Variants in DERA observed in about 807,000 individuals in gnomAD.
DERA encodes 2-deoxy-D-ribose 5-phosphate aldolase.
In DERA, 15 loss-of-function variants were observed where a neutral mutation model predicts 41.1. The observed-to-expected ratio is 0.37, with a 90% CI of 0.24 to 0.56. The LOEUF is 0.56. Among genes scored for constraint, DERA ranks in the 20% least tolerant of loss-of-function variants. DERA has a pLI of 0.81. For synonymous variants in DERA, 139 were observed against 137.4 expected (o/e 1.01, Z -0.08); for missense variants, 396 against 403.4 (o/e 0.98, Z 0.16).
intron 1 of DERA, among the ~76,000 whole-genome samples, chr12:15,923,176 CTACGCCCGGCTA>C (rs1427870432): frequency 2.6e-5 from 4 of 151,068 alleles, no homozygotes; most frequent in Non-Finnish European, 5.9e-5. Flanking sequence ...GCGCCCGCCA[CTACGCCCGGCTA>C]ATTTTTTGTA....
In DERA at chr12:15,911,784, C is replaced by G. The variant is rs1389339142; in HGVS notation, c.31+370C>G. 5.7e-6 allele frequency: 3 copies of G among 525,784 alleles called. No individual in the cohort carries two copies. The Admixed American group carries it at 6.8e-5, about 12-fold the overall frequency. 32.6% of individuals were successfully genotyped at this position (525,784 alleles called of 1,614,324 possible). A position where few individuals can be genotyped will look rare whatever the true frequency, so the allele number is the denominator to read the frequency against. On this transcript the variant is annotated intron_variant, in intron 1 of 8. Coordinates refer to ENST00000428559, the MANE Select transcript of DERA (RefSeq NM_015954.4). The surrounding 1 kb of genome is among the most constrained non-coding windows in gnomAD (Gnocchi z 4.5). ...AACAGATAAAAACCTTCTTTCTCCT[C>G]CTTTTAATAGAATACTTGTGTAATT...
chr12:15,916,691 T>A (rs1175071983), intron 1 of DERA, among the ~76,000 whole-genome samples: 1 of 152,148 alleles, frequency 6.6e-6, no homozygotes, highest in Non-Finnish European at 1.5e-5. Flanking sequence ...CCTCAGGTGA[T>A]CCACCTGCCT....
chr12:15,978,594 A>G lies in DERA; in HGVS notation c.509-3714A>G, dbSNP rs138406794. On this transcript the variant is annotated intron_variant, in intron 5 of 8. Coordinates refer to ENST00000428559, the MANE Select transcript of DERA (RefSeq NM_015954.4). The stretch of plus-strand genomic sequence containing the variant: ...AACTAGCAAGTAGCAAAAATGTCTT[A>G]TCTCAAGAGTCTGTGCTATTCAAAG... Among the ~76,000 whole-genome samples the G allele has an allele frequency of 2.6e-3, 400 of 152,342 alleles. 4 individuals are homozygous for G. Among genetic ancestry groups the G allele is most frequent in the African/African-American group, 9.2e-3 (383 of 41,570 alleles).
At chr12:15,971,496 T>C (rs1185180714) in intron 5 of DERA, among the ~76,000 whole-genome samples, 1 of 148,362 alleles carries the variant, frequency 6.7e-6, no homozygotes. Context: ...AGGCCATCTT[T>C]ATATCTCAAC....
At chr12:15,926,144 C>T (rs1324253618) in intron 1 of DERA, among the ~76,000 whole-genome samples, 1 of 151,834 alleles carries the variant, frequency 6.6e-6, no homozygotes, top group Non-Finnish European at 1.5e-5. Context: ...CTTTTACAGC[C>T]ACTTTCCTCT....
At chr12:15,949,847 C>G (rs998253535) in intron 1 of DERA, among the ~76,000 whole-genome samples, 3 of 152,172 alleles carry the variant, frequency 2.0e-5, no homozygotes, top group Admixed American at 6.5e-5. Context: ...GAACCACCTA[C>G]CTGTTTCTTC....
In DERA at chr12:15,990,718, C is replaced by T. The variant is rs1948796208; in HGVS notation, c.637+8282C>T. On this transcript the variant is annotated intron_variant, in intron 6 of 8. Transcript: ENST00000428559. This position sits in a 1 kb window ranked among gnomAD's most constrained non-coding sequence, Gnocchi z 4.3. ...GCATTTGGTATTTGGTTTTCTGTTC[C>T]CGTGTTAGTTTGCTAAGGATAATGG... Among the ~76,000 whole-genome samples, 1 of 152,046 alleles carries T rather than the reference C, an allele frequency of 6.6e-6. No homozygotes were observed. The highest frequency in any genetic ancestry group is 2.1e-4 in the South Asian group (1 of 4,812).
In DERA at chr12:15,981,616, T is replaced by G. The variant is rs906121618; in HGVS notation, c.509-692T>G. On this transcript the variant is annotated intron_variant, in intron 5 of 8. Transcript: ENST00000428559. The surrounding 1 kb of genome is among the most constrained non-coding windows in gnomAD (Gnocchi z 6.1). ...AAAATGTTACCTTGAATATGAAATA[T>G]GAAATAAATCTGGGCCCAATGTGGA... Among the ~76,000 whole-genome samples, 1 of 152,162 alleles carries G rather than the reference T, an allele frequency of 6.6e-6. No individual in the cohort carries two copies. Among genetic ancestry groups the G allele is most frequent in the Non-Finnish European group, 1.5e-5 (1 of 68,020 alleles).
In DERA at chr12:15,998,744, T is replaced by A. The variant is rs1467149383; in HGVS notation, c.637+16308T>A. Among the ~76,000 whole-genome samples the A allele has an allele frequency of 6.6e-6, 1 of 152,160 alleles. No individual in the cohort carries two copies. The highest frequency in any genetic ancestry group is 1.5e-5 in the Non-Finnish European group (1 of 68,032). On this transcript the variant is annotated intron_variant, in intron 6 of 8. Coordinates refer to ENST00000428559, the MANE Select transcript of DERA (RefSeq NM_015954.4). The surrounding 1 kb of genome is among the most constrained non-coding windows in gnomAD (Gnocchi z 4.8). ...AACAAACCAATTGTTCTAGTAGTTA[T>A]TTTCATTGCAATGTGCTTATTTGGA... is the stretch of plus-strand genomic sequence containing the variant.
intron 1 of DERA, among the ~76,000 whole-genome samples, chr12:15,930,400 G>A (rs2136129945): frequency 6.6e-6 from 1 of 152,118 alleles, no homozygotes; most frequent in Admixed American, 6.5e-5. Flanking sequence ...TCTTCCTGAG[G>A]GAATTTATCC....
In DERA at chr12:15,995,563, T is replaced by TA. The variant is rs1948831368; in HGVS notation, c.637+13128dup. ...TTACCTAGGGTGCCCAGAGAACAGC[T>TA]AGGGAGTGACAAGAAAAGCAGATCT... On this transcript the variant is annotated intron_variant, in intron 6 of 8. Transcript: ENST00000428559. The surrounding 1 kb of genome is among the most constrained non-coding windows in gnomAD (Gnocchi z 5.1). 6.6e-6 allele frequency among the ~76,000 whole-genome samples: 1 copy of TA among 152,164 alleles called. No individual in the cohort carries two copies. Among genetic ancestry groups the TA allele is most frequent in the African/African-American group, 2.4e-5 (1 of 41,448 alleles).
intron 1 of DERA, among the ~76,000 whole-genome samples, chr12:15,949,119 G>C (rs935542485): frequency 6.6e-6 from 1 of 152,170 alleles, no homozygotes; most frequent in Non-Finnish European, 1.5e-5. Flanking sequence ...ACTGGGGGGT[G>C]CCTCCCAGTT....
chr12:15,984,285 T>G lies in DERA; in HGVS notation c.637+1849T>G, dbSNP rs922678823. ...CTGTCCTACGCACAGCACCTACTAC[T>G]CATGATACAAATGTGGTATTAGGTC... is the stretch of plus-strand genomic sequence containing the variant. On this transcript the variant is annotated intron_variant, in intron 6 of 8. Transcript: ENST00000428559. The surrounding 1 kb of genome is among the most constrained non-coding windows in gnomAD (Gnocchi z 4.5). 6.6e-6 allele frequency among the ~76,000 whole-genome samples: 1 copy of G among 152,106 alleles called. No homozygotes were observed. The highest frequency in any genetic ancestry group is 1.5e-5 in the Non-Finnish European group (1 of 68,010).
rs1949012053 is a variant in DERA, at chr12:16,020,594, T to C, written c.638-11948T>C. Reference sequence around the variant, plus strand: ...ATGTGGGAGCAGCTTTGGAACTGGGTAATGGAGAGGTTGGAAGAGTTTGGA... The same window carrying C: ...ATGTGGGAGCAGCTTTGGAACTGGGCAATGGAGAGGTTGGAAGAGTTTGGA... On this transcript the variant is annotated intron_variant, in intron 6 of 8. Transcript: ENST00000428559. The surrounding 1 kb of genome is among the most constrained non-coding windows in gnomAD (Gnocchi z 5.5). Among the ~76,000 whole-genome samples, 1 of 151,970 alleles carries C rather than the reference T, an allele frequency of 6.6e-6. No homozygotes were observed. The highest frequency in any genetic ancestry group is 2.4e-5 in the African/African-American group (1 of 41,374).
At chr12:16,023,956 G>A (rs1949036741) in intron 6 of DERA, among the ~76,000 whole-genome samples, 1 of 152,148 alleles carries the variant, frequency 6.6e-6, no homozygotes, top group African/African-American at 2.4e-5. Flanking sequence ...AACTAAGTAA[G>A]AATTGAAAGG....
intron 6 of DERA, among the ~76,000 whole-genome samples, chr12:16,018,186 A>G (rs1948995986): frequency 6.6e-6 from 1 of 152,136 alleles, no homozygotes; most frequent in Non-Finnish European, 1.5e-5. Context: ...TTTGGTCTTA[A>G]TACTAGTTTT....
chr12:15,986,067 G>A (rs969740247), intron 6 of DERA, among the ~76,000 whole-genome samples: 36 of 152,170 alleles, frequency 2.4e-4, no homozygotes, highest in African/African-American at 7.9e-4. Flanking sequence ...ATGTTTACCT[G>A]TTGAAGTAGC....
rs1430776177 is a variant in DERA at position 15,981,934 on chromosome 12, T to A, written c.509-374T>A. ...TTAATAAGAACCTAAGATTTTTTTT[T>A]ATTACTTTGCAAAGGGGTACACCAC... On this transcript the variant is annotated intron_variant, in intron 5 of 8. Coordinates refer to ENST00000428559, the MANE Select transcript of DERA (RefSeq NM_015954.4). The surrounding 1 kb of genome is among the most constrained non-coding windows in gnomAD (Gnocchi z 6.1). Among the ~76,000 whole-genome samples the A allele has an allele frequency of 6.6e-6, 1 of 152,204 alleles. No homozygotes were observed. The highest frequency in any genetic ancestry group is 1.5e-5 in the Non-Finnish European group (1 of 68,038).
At chr12:15,912,569 A>G (rs1258843703) in intron 1 of DERA, among the ~76,000 whole-genome samples, 1 of 152,186 alleles carries the variant, frequency 6.6e-6, no homozygotes, top group African/African-American at 2.4e-5. Context: ...TAAAATGGTT[A>G]TTTTAGTGGT....
Sources: gnomAD v4.1 joint callset for allele counts (sites outside exome capture counted in the v4.1 genomes callset) on GRCh38, gnomAD v4.1.1 for gene constraint, Gnocchi (gnomAD v3.1) non-coding constraint, MANE v1.5 for transcripts, NCBI Gene and HGNC (gene_info 2026-07-23, HGNC 2026-07-21) for gene names.